AHI1: variants seen among roughly 807,000 people sequenced by gnomAD.
AHI1 encodes the protein Abelson helper integration site 1.
A neutral mutation model predicts 149.3 loss-of-function variants in AHI1; 123 were observed. The ratio of observed to expected loss-of-function variants is 0.82; its 90% confidence interval spans 0.71 to 0.96. The LOEUF is 0.96. Among genes scored for constraint, AHI1 ranks in the 40% least tolerant of loss-of-function variants. The pLI, the probability that AHI1 is intolerant of heterozygous loss-of-function variation, is 0.00. For missense variants in AHI1, 1,439 were observed against 1,422.7 expected (o/e 1.01, Z -0.18); for synonymous variants, 475 against 459.8 (o/e 1.03, Z -0.42).
intron 23 of AHI1, among the ~76,000 whole-genome samples, chr6:135,366,900 T>C (rs1774267932): frequency 6.6e-6 from 1 of 152,174 alleles, no homozygotes; most frequent in Non-Finnish European, 1.5e-5. Context: ...TTTCAGATGA[T>C]TGTAGGCATT....
chr6:135,351,065 C>T (rs1562555254), intron 24 of AHI1, among the ~76,000 whole-genome samples: 1 of 151,032 alleles, frequency 6.6e-6, no homozygotes, highest in Non-Finnish European at 1.5e-5. Flanking sequence ...CATAACTGAA[C>T]TTCTGCATTG....
chr6:135,367,458 A>C (rs1481791844), intron 23 of AHI1, among the ~76,000 whole-genome samples: 1 of 152,012 alleles, frequency 6.6e-6, no homozygotes, highest in Non-Finnish European at 1.5e-5. Context: ...ATGTTTTCCA[A>C]ACTTTTGGAT....
At chr6:135,455,008 G>T (rs931005556) in intron 10 of AHI1, among the ~76,000 whole-genome samples, 9 of 152,162 alleles carry the variant, frequency 5.9e-5, no homozygotes, top group Non-Finnish European at 1.2e-4. Flanking sequence ...TCTCCATCTA[G>T]CTTACACTGG....
In AHI1 at chr6:135,467,590, TG is replaced by T. The variant is rs1562244102; in HGVS notation, c.179del (p.Thr60LysfsTer23). On this transcript the variant is annotated frameshift_variant, in exon 6 of 29. Transcript: ENST00000265602. LOFTEE classifies it high-confidence loss of function. ...TGTTAGCAGTACTTACATCATCACT[TG>T]TAGTTTCTTTCATATAGTGAAGATT... ...RSNLHYMKET[T>X]SDDPDTIRSN... 1 of 1,609,312 alleles carries T rather than the reference TG, an allele frequency of 6.2e-7. No individual in the cohort carries two copies. The highest frequency in any genetic ancestry group is 1.3e-5 in the African/African-American group (1 of 74,818).
rs1554302955 is a variant in AHI1, at chr6:135,382,954, T to TAC, written c.3109+11820_3109+11821dup. ...ATATATATATATATATATATATATA[T>TAC]ACATATAAAATAATAATAATTTTTT... On this transcript the variant is annotated intron_variant, in intron 23 of 28. Coordinates refer to ENST00000265602, the MANE Select transcript of AHI1 (RefSeq NM_001134831.2). Among the ~76,000 whole-genome samples, 854 of 99,886 alleles carry TAC rather than the reference T, an allele frequency of 8.5e-3. 15 individuals are homozygous for TAC. Among genetic ancestry groups the TAC allele is most frequent in the African/African-American group, 0.032 (737 of 22,974 alleles). The allele number at this position is 99,886 out of a possible 152,430, so 65.5% of individuals were successfully genotyped here. A position where few individuals can be genotyped will look rare whatever the true frequency, so the allele number is the denominator to read the frequency against.
chr6:135,449,850 T>G (rs1787828658), intron 11 of AHI1, among the ~76,000 whole-genome samples: 1 of 152,224 alleles, frequency 6.6e-6, no homozygotes, highest in African/African-American at 2.4e-5. Context: ...AAGTAAATTT[T>G]TAATTATATT....
chr6:135,482,167 T>C (rs577465430), intron 5 of AHI1, among the ~76,000 whole-genome samples: 1 of 152,218 alleles, frequency 6.6e-6, no homozygotes, highest in Admixed American at 6.5e-5. Flanking sequence ...ACTCCTCAGG[T>C]TTCAAGTACA....
chr6:135,288,125 A>T (rs1469115884), intron 28 of AHI1, among the ~76,000 whole-genome samples: 1 of 151,906 alleles, frequency 6.6e-6, no homozygotes, highest in Non-Finnish European at 1.5e-5. Context: ...CAACAAAAAA[A>T]CCTGGACCTT....
At chr6:135,403,215 A>C (rs1780272327) in intron 22 of AHI1, among the ~76,000 whole-genome samples, 1 of 152,184 alleles carries the variant, frequency 6.6e-6, no homozygotes, top group African/African-American at 2.4e-5. Flanking sequence ...GGGGTGATGA[A>C]AAACTCTAAA....
intron 3 of AHI1, chr6:135,492,954 C>T (rs1795459995): frequency 1.0e-6 from 1 of 973,638 alleles, no homozygotes; most frequent in Non-Finnish European, 1.2e-6. Flanking sequence ...ATGTAATATG[C>T]ATGTTTTTGA....
chr6:135,330,779 T>C (rs1317291471), intron 24 of AHI1, among the ~76,000 whole-genome samples: 1 of 152,238 alleles, frequency 6.6e-6, no homozygotes, highest in Non-Finnish European at 1.5e-5. Context: ...GGGAATCTGC[T>C]TGTATTTCAG....
intron 27 of AHI1, among the ~76,000 whole-genome samples, chr6:135,295,799 T>C (rs1026559660): frequency 6.6e-6 from 1 of 152,160 alleles, no homozygotes; most frequent in African/African-American, 2.4e-5. Flanking sequence ...TTAATTGTGG[T>C]GATGGTTCAT....
chr6:135,492,317 G>C, intron 3 of AHI1, 26 bp from the exon 4 acceptor site: 3 of 1,468,446 alleles, frequency 2.0e-6, no homozygotes, highest in Non-Finnish European at 2.7e-6. Context: ...AGATGTATTT[G>C]TAATATGGAA....
chr6:135,467,072 T>C (rs1173995131), intron 6 of AHI1, among the ~76,000 whole-genome samples: 1 of 152,180 alleles, frequency 6.6e-6, no homozygotes, highest in Non-Finnish European at 1.5e-5. Context: ...AACAGCTCTG[T>C]TTCCCACCTC....
At chr6:135,436,634 A>G (rs1466178794) in intron 15 of AHI1, among the ~76,000 whole-genome samples, 1 of 152,170 alleles carries the variant, frequency 6.6e-6, no homozygotes, top group East Asian at 1.9e-4. Flanking sequence ...GCAGAGTCTC[A>G]ATCTGTCACC....
At chr6:135,343,554 CA>C (rs1040375824) in intron 24 of AHI1, among the ~76,000 whole-genome samples, 1 of 149,432 alleles carries the variant, frequency 6.7e-6, no homozygotes, top group African/African-American at 2.5e-5. Context: ...TGGATCAATG[CA>C]AAAAAATTCA....
At chr6:135,481,691 T>C (rs1793669137) in intron 5 of AHI1, among the ~76,000 whole-genome samples, 1 of 147,178 alleles carries the variant, frequency 6.8e-6, no homozygotes, top group Admixed American at 6.8e-5. Flanking sequence ...AAATTTCCAC[T>C]TGGTATTGTT....
chr6:135,378,679 T>C (rs533805264), intron 23 of AHI1, among the ~76,000 whole-genome samples: 11 of 152,316 alleles, frequency 7.2e-5, no homozygotes, highest in South Asian at 2.1e-4. Context: ...AGATTAACAA[T>C]AGATTAACAT....
intron 5 of AHI1, among the ~76,000 whole-genome samples, chr6:135,480,892 G>A (rs748585555): frequency 6.6e-6 from 1 of 152,262 alleles, no homozygotes; most frequent in South Asian, 2.1e-4. Context: ...AATGACGCAG[G>A]CAAGAGACCT....
Sources: gnomAD v4.1 joint callset for allele counts (sites outside exome capture counted in the v4.1 genomes callset) on GRCh38, gnomAD v4.1.1 for gene constraint, MANE v1.5 for transcripts, NCBI Gene and HGNC (gene_info 2026-07-23, HGNC 2026-07-21) for gene names.